Variants in KLHDC10 observed in about 807,000 individuals in gnomAD.
KLHDC10 encodes the protein kelch domain-containing protein 10.
In KLHDC10, 24 loss-of-function variants were observed where a neutral mutation model predicts 56.1. That is an observed-to-expected ratio of 0.43 (90% CI 0.31 to 0.60). The LOEUF (loss-of-function observed/expected upper bound fraction) is 0.60, where lower values mean the gene tolerates loss of function less well. Among genes scored for constraint, KLHDC10 ranks in the 20% least tolerant of loss-of-function variants. The pLI is 0.11. For missense variants in KLHDC10, 349 were observed against 567.0 expected, an observed-to-expected ratio of 0.62 and a Z score of 3.91; for synonymous variants, 188 against 207.1, an observed-to-expected ratio of 0.91 and a Z score of 0.79.
At chr7:130,127,052 C>G (rs1009804767) in intron 7 of KLHDC10, among the ~76,000 whole-genome samples, 6 of 152,216 alleles carry the variant, frequency 3.9e-5, no homozygotes, top group Non-Finnish European at 8.8e-5. Flanking sequence ...TGCAGTGAGC[C>G]AAGATTGCAC....
At chr7:130,109,212 CTTTTT>C (rs113184697) in intron 2 of KLHDC10, among the ~76,000 whole-genome samples, 1 of 144,648 alleles carries the variant, frequency 6.9e-6, no homozygotes, top group East Asian at 2.0e-4. Flanking sequence ...CAGCAGGTCT[CTTTTT>C]TTTTTTTTTA....
rs1238520946 is a variant in KLHDC10 at position 130,133,265 on chromosome 7, C to CCA, written c.*2520_*2521dup. 6.6e-6 allele frequency: 1 copy of CCA among 152,166 alleles called. No homozygotes were observed. Among genetic ancestry groups the CCA allele is most frequent in the African/African-American group, 2.4e-5 (1 of 41,442 alleles). The allele number at this position is 152,166 out of a possible 1,614,324, so 9.4% of individuals were successfully genotyped here. ...ATCAGGCGTTTCGGTATACCTATAACCAGCACTCGGAATTCCTGACACTGT... is the reference window on the plus strand; with the variant it reads ...ATCAGGCGTTTCGGTATACCTATAACCACAGCACTCGGAATTCCTGACACTGT... On this transcript the variant is annotated 3_prime_UTR_variant, in exon 10 of 10. Transcript: ENST00000335420.
At position 130,095,142 on chromosome 7, in the gene KLHDC10, A is replaced by G. The variant is rs188824683; in HGVS notation, c.167-1779A>G. Among the ~76,000 whole-genome samples the G allele has an allele frequency of 7.9e-5, 12 of 152,128 alleles. No individual in the cohort carries two copies. In the East Asian group the frequency reaches 2.3e-3, roughly 29 times the overall value. ...TTTTGGACTCTGGAGTCATCTCAAC[A>G]CATACTGTATTGATTTAAAACAATG... On this transcript the variant is annotated intron_variant, in intron 1 of 9. Transcript: ENST00000335420.
intron 2 of KLHDC10, among the ~76,000 whole-genome samples, chr7:130,111,181 C>A (rs1205975385): frequency 6.6e-6 from 1 of 151,944 alleles, no homozygotes; most frequent in East Asian, 1.9e-4. Flanking sequence ...TTATACAACA[C>A]ACAAAAATAT....
In KLHDC10 at chr7:130,120,878, A is replaced by G. The variant is rs1796239166; in HGVS notation, c.605A>G (p.Lys202Arg). ...TGGGCTTTGCTCAGCTGTCGGGGGA[A>G]GAAACCCAGTCGTATATATGGACAG... ...KRWALLSCRG[K>R]KPSRIYGQAM... Residue 202 changes from lysine to arginine, a missense_variant, in exon 4 of 10, where the codon AAG (lysine) becomes AGG (arginine). By Grantham distance (26) the Lys-to-Arg change is conservative. Transcript: ENST00000335420. The surrounding 1 kb of genome is among the most constrained non-coding windows in gnomAD (Gnocchi z 5.1). 1 of 1,614,122 alleles carries G rather than the reference A, an allele frequency of 6.2e-7. No individual in the cohort carries two copies. The highest frequency in any genetic ancestry group is 8.5e-7 in the Non-Finnish European group (1 of 1,179,958).
At position 130,120,621 on chromosome 7, in the gene KLHDC10, C is replaced by T. The variant is rs540262180; in HGVS notation, c.476-128C>T. On this transcript the variant is annotated intron_variant, in intron 3 of 9. Coordinates refer to ENST00000335420, the MANE Select transcript of KLHDC10 (RefSeq NM_014997.4). The surrounding 1 kb of genome is among the most constrained non-coding windows in gnomAD (Gnocchi z 5.1). ...GCACGCTCAGCTACTAGTTAGATGT[C>T]AGTGGTTTGAGCTATCTTATGAGAT... 2 of 906,690 alleles carry T rather than the reference C, an allele frequency of 2.2e-6. No individual in the cohort carries two copies. Among genetic ancestry groups the T allele is most frequent in the South Asian group, 1.9e-5 (1 of 53,692 alleles). 56.2% of individuals were successfully genotyped at this position (906,690 alleles called of 1,614,324 possible).
intron 7 of KLHDC10, 82 bp from the exon 8 acceptor site, chr7:130,127,322 G>A: frequency 2.8e-6 from 3 of 1,087,732 alleles, no homozygotes; most frequent in Non-Finnish European, 4.3e-6. Context: ...GTTACACGTA[G>A]TGTGTCTTTC....
chr7:130,094,183 C>T (rs552867674), intron 1 of KLHDC10, among the ~76,000 whole-genome samples: 2 of 152,242 alleles, frequency 1.3e-5, no homozygotes, highest in East Asian at 1.9e-4. Context: ...GCCTTGGCCT[C>T]GTAAAGCGCT....
rs72380761 is a variant in KLHDC10 at position 130,130,337 on chromosome 7, C to CATATATATATATATAT, written c.1120-198_1120-183dup. On this transcript the variant is annotated intron_variant, in intron 9 of 9. Transcript: ENST00000335420. The surrounding 1 kb of genome is among the most constrained non-coding windows in gnomAD (Gnocchi z 4.2). ...ACTCTGTCTCAAAAAAAAAAAAAAT[C>CATATATATATATATAT]ATATATATATATATATAGTTTTTCC... is the stretch of plus-strand genomic sequence containing the variant. Among the ~76,000 whole-genome samples the CATATATATATATATAT allele has an allele frequency of 1.0e-3, 143 of 140,846 alleles. 1 individual carries two copies. The highest frequency in any genetic ancestry group is 3.7e-3 in the African/African-American group (138 of 36,966). The allele number at this position is 140,846 out of a possible 152,430, so 92.4% of individuals were successfully genotyped here.
intron 1 of KLHDC10, among the ~76,000 whole-genome samples, chr7:130,080,035 G>A (rs931170139): frequency 4.6e-5 from 7 of 151,574 alleles, no homozygotes; most frequent in Non-Finnish European, 1.0e-4. Flanking sequence ...TTGAATTCCT[G>A]GGCACATGCC....
Position 130,130,532 on chromosome 7 carries a change from C to T in KLHDC10, c.1120-5C>T. On this transcript the variant is annotated splice_polypyrimidine_tract_variant and splice_region_variant and intron_variant, in intron 9 of 9. Transcript: ENST00000335420. This position sits in a 1 kb window ranked among gnomAD's most constrained non-coding sequence, Gnocchi z 4.2. ...TTGAATTTGTCCTCTTTTGACTACT[C>T]ATAGGCTGGTTGCATGTACATTCAT... 2 of 1,612,972 alleles carry T rather than the reference C, an allele frequency of 1.2e-6. No individual in the cohort carries two copies. The highest frequency in any genetic ancestry group is 1.3e-5 in the African/African-American group (1 of 74,964).
At chr7:130,121,833 C>T (rs1796251780) in intron 4 of KLHDC10, among the ~76,000 whole-genome samples, 1 of 152,206 alleles carries the variant, frequency 6.6e-6, no homozygotes, top group Non-Finnish European at 1.5e-5. Context: ...GTAGGACTTC[C>T]TTTCCAGTTG....
At chr7:130,110,984 A>G (rs1796092990) in intron 2 of KLHDC10, among the ~76,000 whole-genome samples, 1 of 152,164 alleles carries the variant, frequency 6.6e-6, no homozygotes, top group Non-Finnish European at 1.5e-5. Context: ...ATTCTTAAAG[A>G]GCAATAAATT....
intron 1 of KLHDC10, among the ~76,000 whole-genome samples, chr7:130,090,982 T>TA (rs1370235438): frequency 1.3e-5 from 2 of 152,146 alleles, no homozygotes; most frequent in African/African-American, 4.8e-5. Flanking sequence ...GCTATGTGAG[T>TA]AAAATCATAC....
rs1162773348 is a variant in KLHDC10, at chr7:130,120,792, C to T, written c.519C>T (p.Gly173=). Residue 173 remains glycine, a synonymous_variant, in exon 4 of 10, where the codon GGC becomes GGT. Transcript: ENST00000335420. The surrounding 1 kb of genome is among the most constrained non-coding windows in gnomAD (Gnocchi z 5.1). ...ACCTGTTAGTATTTGGAGGTACGGG[C>T]ATCCCATTTGGAGAGAGCAACGGCA... ...GNNLLVFGGT[G]IPFGESNGND... 1.2e-6 allele frequency: 2 copies of T among 1,614,156 alleles called. No homozygotes were observed. Among genetic ancestry groups the T allele is most frequent in the Non-Finnish European group, 1.7e-6 (2 of 1,179,992 alleles).
chr7:130,076,922 AT>A (rs1795512329), intron 1 of KLHDC10, among the ~76,000 whole-genome samples: 1 of 152,106 alleles, frequency 6.6e-6, no homozygotes, highest in Admixed American at 6.6e-5. Flanking sequence ...ATGGCTTAGA[AT>A]TAGCTAACCA....
intron 1 of KLHDC10, among the ~76,000 whole-genome samples, chr7:130,077,551 CTT>C (rs1302356656): frequency 8.9e-5 from 11 of 124,240 alleles, no homozygotes; most frequent in African/African-American, 3.4e-4. Flanking sequence ...TTTTCTTTTT[CTT>C]TCTTTTTTTT....
At chr7:130,083,638 A>G (rs1795639742) in intron 1 of KLHDC10, among the ~76,000 whole-genome samples, 1 of 151,962 alleles carries the variant, frequency 6.6e-6, no homozygotes. Flanking sequence ...TAATCCCAGC[A>G]CTTTGGGAGG....
At chr7:130,097,871 T>C (rs1261478032) in intron 2 of KLHDC10, among the ~76,000 whole-genome samples, 1 of 152,154 alleles carries the variant, frequency 6.6e-6, no homozygotes, top group Non-Finnish European at 1.5e-5. Flanking sequence ...ACATACTCCA[T>C]ACTGAAAAAA....
Sources: allele counts gnomAD v4.1 joint callset (sites outside exome capture counted in the v4.1 genomes callset), GRCh38; gene constraint gnomAD v4.1.1; non-coding constraint Gnocchi (gnomAD v3.1); transcripts MANE v1.5; gene names NCBI Gene and HGNC (gene_info 2026-07-23, HGNC 2026-07-21).